Variants in SEPTIN14 observed in about 807,000 individuals in gnomAD.
SEPTIN14 encodes the protein septin-14.
In SEPTIN14, 40 loss-of-function variants were observed where a neutral mutation model predicts 53.6. The ratio of observed to expected loss-of-function variants is 0.75; its 90% CI spans 0.58 to 0.97. The LOEUF (loss-of-function observed/expected upper bound fraction) is 0.97, where lower values mean the gene tolerates loss of function less well. Among genes scored for constraint, SEPTIN14 ranks in the 50% least tolerant of loss-of-function variants. The pLI, the probability that SEPTIN14 is intolerant of heterozygous loss-of-function variation, is 0.00. For synonymous variants in SEPTIN14, 138 were observed against 166.8 expected, an observed-to-expected ratio of 0.83 and a Z score of 1.33; for missense variants, 471 against 508.2, an observed-to-expected ratio of 0.93 and a Z score of 0.70.
chr7:55,846,043 C>T (rs867618056), intron 3 of SEPTIN14, among the ~76,000 whole-genome samples: 364 of 18,180 alleles, frequency 0.02, 8 homozygotes, highest in Middle Eastern at 0.12. Context: ...AGCAAGACTC[C>T]GTCTCAGAAA....
At chr7:55,834,090 C>T (rs1789160693) in intron 6 of SEPTIN14, among the ~76,000 whole-genome samples, 1 of 152,146 alleles carries the variant, frequency 6.6e-6, no homozygotes. Flanking sequence ...CAGATTACTT[C>T]ATGGGTAAAT....
chr7:55,857,656 C>A (rs1169863842), intron 2 of SEPTIN14, among the ~76,000 whole-genome samples: 3 of 128,956 alleles, frequency 2.3e-5, no homozygotes, highest in Non-Finnish European at 3.1e-5. Flanking sequence ...GGCACGATCT[C>A]GGCTCACTGC....
At chr7:55,853,986 T>C (rs910081735) in intron 2 of SEPTIN14, among the ~76,000 whole-genome samples, 1 of 151,980 alleles carries the variant, frequency 6.6e-6, no homozygotes, top group African/African-American at 2.4e-5. Context: ...CAGAGTATGG[T>C]GGTACATGCT....
chr7:55,815,313 C>G (rs190063163), intron 7 of SEPTIN14, among the ~76,000 whole-genome samples: 3 of 151,846 alleles, frequency 2.0e-5, no homozygotes, highest in South Asian at 4.1e-4. Flanking sequence ...GCAAAACAAA[C>G]GAAACAACAA....
At chr7:55,843,761 G>A in intron 4 of SEPTIN14, among the ~76,000 whole-genome samples, 1 of 152,200 alleles carries the variant, frequency 6.6e-6, no homozygotes, top group Admixed American at 6.5e-5. Context: ...GAACCCAGGA[G>A]ACAAAGCTTA....
Position 55,795,782 on chromosome 7 carries a change from T to C in SEPTIN14, c.*131A>G. The C allele has an allele frequency of 5.5e-6, 4 of 726,360 alleles. No homozygotes were observed. The highest frequency in any genetic ancestry group is 6.9e-6 in the Non-Finnish European group (3 of 433,936). The allele number at this position is 726,360 out of a possible 1,614,324, so 45.0% of individuals were successfully genotyped here. A position where few individuals can be genotyped will look rare whatever the true frequency, so the allele number is the denominator to read the frequency against. On this transcript the variant is annotated 3_prime_UTR_variant, in exon 10 of 10. Transcript: ENST00000388975. ...CACACCCCGCTAGGAGTTCACACTT[T>C]AGTTGGGGAAAATATACAATAAGCA...
chr7:55,829,771 A>T (rs1029262440), intron 6 of SEPTIN14, among the ~76,000 whole-genome samples: 1 of 136,112 alleles, frequency 7.3e-6, no homozygotes, highest in Non-Finnish European at 1.5e-5. Flanking sequence ...CAGTGAGCCG[A>T]GATAGCGCCA....
intron 5 of SEPTIN14, among the ~76,000 whole-genome samples, chr7:55,837,200 C>A (rs1789224497): frequency 1.3e-5 from 2 of 151,548 alleles, no homozygotes; most frequent in South Asian, 4.2e-4. Flanking sequence ...ACTGCAGCCT[C>A]AACCTCCCGG....
intron 7 of SEPTIN14, 132 bp downstream of exon 7, chr7:55,818,995 T>C: frequency 3.2e-6 from 2 of 618,448 alleles, no homozygotes; most frequent in South Asian, 3.9e-5. Context: ...GTGTTCCCCA[T>C]TAGTAACTGT....
chr7:55,847,565 A>G (rs2116060185), intron 2 of SEPTIN14, among the ~76,000 whole-genome samples: 1 of 152,326 alleles, frequency 6.6e-6, no homozygotes. Context: ...CAACTAACAC[A>G]AAGCTTATGT....
Position 55,807,244 on chromosome 7 carries a change from G to A in SEPTIN14, c.832C>T (p.His278Tyr). 1 of 1,575,212 alleles carries A rather than the reference G, an allele frequency of 6.3e-7. No homozygotes were observed. Among genetic ancestry groups the A allele is most frequent in the East Asian group, 2.3e-5 (1 of 43,696 alleles). Residue 278 changes from histidine (H) to tyrosine (Y), a missense_variant, in exon 8 of 10, where the codon CAC becomes TAC. His to Tyr is a moderately conservative substitution (Grantham distance 83). Coordinates refer to ENST00000388975, the MANE Select transcript of SEPTIN14 (RefSeq NM_207366.3). ...WGVLQVENEN[H>Y]CDFVKLRDML... ...TCTCGGAGCTTAACGAAGTCACAGTGATTTTCATTTTCCACTAGTAAAAAA... is the reference window on the plus strand; with the variant it reads ...TCTCGGAGCTTAACGAAGTCACAGTAATTTTCATTTTCCACTAGTAAAAAA...
rs766704360 is a variant in SEPTIN14, at chr7:55,795,999, C to A, written c.1213G>T (p.Asp405Tyr). 1.3e-6 allele frequency: 2 copies of A among 1,573,396 alleles called. No individual in the cohort carries two copies. The highest frequency in any genetic ancestry group is 1.7e-6 in the Non-Finnish European group (2 of 1,159,012). Reference protein sequence around the residue: ...EKKQLEGEIIDFYKMKAASEA... With the variant: ...EKKQLEGEIIYFYKMKAASEA... The stretch of plus-strand genomic sequence containing the variant: ...GAGGCAGCTTTCATTTTATAAAAAT[C>A]TATGATTTCTCCTTCCAGTTGTTTT... Residue 405 changes from aspartate to tyrosine, a missense_variant, in exon 10 of 10, where the codon GAT (aspartate) becomes TAT (tyrosine). Coordinates refer to ENST00000388975, the MANE Select transcript of SEPTIN14 (RefSeq NM_207366.3).
Position 55,834,509 on chromosome 7 carries a change from C to A in SEPTIN14, c.636G>T (p.Met212Ile). The A allele has an allele frequency of 6.2e-7, 1 of 1,612,174 alleles. No homozygotes were observed. Among genetic ancestry groups the A allele is most frequent in the Non-Finnish European group, 8.5e-7 (1 of 1,178,334 alleles). Residue 212 changes from methionine to isoleucine, a missense_variant, in exon 6 of 10, where the codon ATG becomes ATT. Coordinates refer to ENST00000388975, the MANE Select transcript of SEPTIN14 (RefSeq NM_207366.3). ...GGATGCCATTGCTAATCAATTCACT[C>A]ATTATCTTATTCTTAAACGTCTGTA... Reference protein sequence around the residue: ...NDLQTFKNKIMSELISNGIQI... With the variant: ...NDLQTFKNKIISELISNGIQI...
chr7:55,810,839 C>A, intron 7 of SEPTIN14: 1 of 298,942 alleles, frequency 3.3e-6, no homozygotes, highest in Non-Finnish European at 6.6e-6. Context: ...TCATGAAGAC[C>A]CTCGAGTCAA....
intron 7 of SEPTIN14, among the ~76,000 whole-genome samples, chr7:55,812,966 T>C (rs1281028603): frequency 6.6e-6 from 1 of 151,988 alleles, no homozygotes; most frequent in African/African-American, 2.4e-5. Context: ...TTTTTTTTTT[T>C]TTAGATGGAG....
chr7:55,859,277 G>A (rs1041632080), intron 2 of SEPTIN14, among the ~76,000 whole-genome samples: 1 of 151,946 alleles, frequency 6.6e-6, no homozygotes, highest in Non-Finnish European at 1.5e-5. Context: ...TGGTTTTTTG[G>A]TATAGTATAA....
intron 2 of SEPTIN14, among the ~76,000 whole-genome samples, chr7:55,856,738 G>A (rs1262606511): frequency 6.6e-6 from 1 of 152,100 alleles, no homozygotes; most frequent in Non-Finnish European, 1.5e-5. Flanking sequence ...GGACACCTAG[G>A]TTGATTCCAT....
At chr7:55,813,969 C>G (rs1788750005) in intron 7 of SEPTIN14, among the ~76,000 whole-genome samples, 1 of 152,264 alleles carries the variant, frequency 6.6e-6, no homozygotes, top group Admixed American at 6.5e-5. Flanking sequence ...CAGCACAGTA[C>G]CAGCTGTGAT....
At chr7:55,811,588 G>A (rs148744593) in intron 7 of SEPTIN14, among the ~76,000 whole-genome samples, 3,601 of 132,446 alleles carry the variant, frequency 0.027, 57 homozygotes, top group Middle Eastern at 0.065. Flanking sequence ...TGCAACCTCC[G>A]CCTCCCAGGT....
Sources: allele counts gnomAD v4.1 joint callset (sites outside exome capture counted in the v4.1 genomes callset), GRCh38; gene constraint gnomAD v4.1.1; transcripts MANE v1.5; gene names NCBI Gene and HGNC (gene_info 2026-07-23, HGNC 2026-07-21).